Variants in RAP1GAP observed in about 807,000 individuals in gnomAD.
RAP1GAP encodes the protein RAP1 GTPase activating protein.
RAP1GAP carries 35 observed loss-of-function variants against 87.2 expected under a neutral mutation model. The observed-to-expected ratio is 0.40, with a 90% CI of 0.31 to 0.53. The LOEUF is 0.53. RAP1GAP is among the 20% of genes least tolerant of loss of function. The pLI is 0.48. For missense variants in RAP1GAP, 734 were observed against 898.9 expected (o/e 0.82, Z 2.35); for synonymous variants, 375 against 363.9 (o/e 1.03, Z -0.35).
intron 3 of RAP1GAP, among the ~76,000 whole-genome samples, chr1:21,620,602 G>A (rs1210545580): frequency 2.0e-5 from 3 of 152,154 alleles, no homozygotes; most frequent in East Asian, 3.9e-4. Context: ...TCTCCCGGGT[G>A]AGCCAGGGCA....
At chr1:21,632,839 A>G (rs1357496376) in intron 2 of RAP1GAP, among the ~76,000 whole-genome samples, 2 of 152,216 alleles carry the variant, frequency 1.3e-5, no homozygotes, top group African/African-American at 4.8e-5. Context: ...GTTCCAGGCT[A>G]CAGTGAGCCA....
In RAP1GAP at chr1:21,622,084, C is replaced by T. The variant is rs1179743944; in HGVS notation, c.-18-2034G>A. 6.6e-6 allele frequency among the ~76,000 whole-genome samples: 1 copy of T among 152,170 alleles called. No individual in the cohort carries two copies. Among genetic ancestry groups the T allele is most frequent in the Non-Finnish European group, 1.5e-5 (1 of 68,018 alleles). ...GGGTAAAGTGGTCCCGACGGTAGCA[C>T]GCACCCACACACACCCTGCCGCTGC... is the stretch of plus-strand genomic sequence containing the variant. On this transcript the variant is annotated intron_variant, in intron 3 of 24. Transcript: ENST00000374765. The surrounding 1 kb of genome is among the most constrained non-coding windows in gnomAD (Gnocchi z 5.7).
chr1:21,618,987 C>T (rs766072420), intron 5 of RAP1GAP, 38 bp downstream of exon 5: 3 of 1,567,246 alleles, frequency 1.9e-6, no homozygotes, highest in South Asian at 1.2e-5. Context: ...ACCCCCTCCA[C>T]CCCCTAGAGA....
Position 21,668,960 on chromosome 1 carries a change from C to G in RAP1GAP, c.-149+294G>C, listed in dbSNP as rs1272569313. On this transcript the variant is annotated intron_variant, in intron 1 of 24. Transcript: ENST00000374765. The surrounding 1 kb of genome is among the most constrained non-coding windows in gnomAD (Gnocchi z 6.2). ...CGGAAAACTGGACTCCCCACCCACC[C>G]AGGGGGGTGGGACCAAAGCCCCCTG... is the stretch of plus-strand genomic sequence containing the variant. Among the ~76,000 whole-genome samples the G allele has an allele frequency of 6.6e-6, 1 of 151,730 alleles. No homozygotes were observed. Among genetic ancestry groups the G allele is most frequent in the Non-Finnish European group, 1.5e-5 (1 of 67,788 alleles).
chr1:21,605,535 A>G (rs531604650), intron 18 of RAP1GAP, among the ~76,000 whole-genome samples: 2 of 152,194 alleles, frequency 1.3e-5, no homozygotes, highest in East Asian at 3.9e-4. Context: ...CCCACACAGC[A>G]GCCCAGGACC....
chr1:21,624,290 T>A (rs2090768684), intron 3 of RAP1GAP, among the ~76,000 whole-genome samples: 1 of 152,188 alleles, frequency 6.6e-6, no homozygotes, highest in South Asian at 2.1e-4. Flanking sequence ...GGGAATGTAA[T>A]GACGCTGATA....
chr1:21,598,364 G>T, intron 22 of RAP1GAP, 36 bp downstream of exon 22: 1 of 1,554,042 alleles, frequency 6.4e-7, no homozygotes, highest in Non-Finnish European at 8.9e-7. Flanking sequence ...CCCCAAGGTA[G>T]CCCTGCTTTG....
chr1:21,641,037 A>T lies in RAP1GAP; in HGVS notation c.-113+8724T>A, dbSNP rs191349801. Among the ~76,000 whole-genome samples, 441 of 149,618 alleles carry T rather than the reference A, an allele frequency of 2.9e-3. 2 individuals are homozygous for T. The highest frequency in any genetic ancestry group is 0.01 in the African/African-American group (414 of 40,508). ...ATTCTCCTGCCTCAGTCTCCTGAGT[A>T]GCTGGGATCACAGGCATGCACCACT... is the stretch of plus-strand genomic sequence containing the variant. On this transcript the variant is annotated intron_variant, in intron 2 of 24. Transcript: ENST00000374765.
At chr1:21,662,484 A>G in intron 1 of RAP1GAP, among the ~76,000 whole-genome samples, 1 of 152,134 alleles carries the variant, frequency 6.6e-6, no homozygotes, top group East Asian at 1.9e-4. Flanking sequence ...CTGTGTGTCC[A>G]CAGGAACCCC....
intron 1 of RAP1GAP, among the ~76,000 whole-genome samples, chr1:21,662,284 A>T (rs1464605547): frequency 6.6e-6 from 1 of 152,192 alleles, no homozygotes; most frequent in Non-Finnish European, 1.5e-5. Context: ...GCAGCAACCC[A>T]GATGTGAAAG....
chr1:21,605,937 T>C, intron 18 of RAP1GAP, 129 bp downstream of exon 18: 1 of 1,225,404 alleles, frequency 8.2e-7, no homozygotes, highest in Non-Finnish European at 1.1e-6. Flanking sequence ...CTAGACCAAA[T>C]CCAGAGCCTA....
intron 3 of RAP1GAP, among the ~76,000 whole-genome samples, chr1:21,620,839 A>C (rs2086711569): frequency 7.6e-6 from 1 of 132,238 alleles, no homozygotes; most frequent in African/African-American, 2.6e-5. Context: ...GTTGTACACC[A>C]GGAAGCACGC....
chr1:21,598,345 C>T, intron 22 of RAP1GAP, 55 bp downstream of exon 22: 1 of 1,487,482 alleles, frequency 6.7e-7, no homozygotes, highest in Middle Eastern at 1.7e-4. Context: ...CAGCCCTGTC[C>T]CCCTCCTACC....
chr1:21,661,906 C>T (rs2097167357), intron 1 of RAP1GAP, among the ~76,000 whole-genome samples: 1 of 152,242 alleles, frequency 6.6e-6, no homozygotes, highest in Non-Finnish European at 1.5e-5. Context: ...GCAGCATAGC[C>T]CCCATGTGCA....
chr1:21,656,831 G>A (rs1268722830), intron 1 of RAP1GAP, among the ~76,000 whole-genome samples: 2 of 152,252 alleles, frequency 1.3e-5, no homozygotes, highest in African/African-American at 4.8e-5. Flanking sequence ...CCCTGAGGAT[G>A]TGTTTCTCAT....
chr1:21,613,485 A>G lies in RAP1GAP; in HGVS notation c.474+143T>C. The G allele has an allele frequency of 1.2e-6, 1 of 844,710 alleles. No individual in the cohort carries two copies. The highest frequency in any genetic ancestry group is 2.0e-5 in the Admixed American group (1 of 51,168). 52.3% of individuals were successfully genotyped at this position (844,710 alleles called of 1,614,324 possible). A position where few individuals can be genotyped will look rare whatever the true frequency, so the allele number is the denominator to read the frequency against. On this transcript the variant is annotated intron_variant, in intron 9 of 24. Coordinates refer to ENST00000374765, the MANE Select transcript of RAP1GAP (RefSeq NM_002885.4). The surrounding 1 kb of genome is among the most constrained non-coding windows in gnomAD (Gnocchi z 4.7). Reference sequence around the variant, plus strand: ...CGTGGCAGCCCAAGACACGATGGGAACAAGTGAGAGACAGCCTCAGGATAG... The same window carrying G: ...CGTGGCAGCCCAAGACACGATGGGAGCAAGTGAGAGACAGCCTCAGGATAG...
chr1:21,644,058 C>T (rs1026340863), intron 2 of RAP1GAP, among the ~76,000 whole-genome samples: 2 of 152,140 alleles, frequency 1.3e-5, no homozygotes, highest in Admixed American at 1.3e-4. Context: ...GAGATGGGGA[C>T]CCATTTCTCA....
chr1:21,655,139 G>GA (rs750522857), intron 1 of RAP1GAP, among the ~76,000 whole-genome samples: 267 of 116,298 alleles, frequency 2.3e-3, no homozygotes, highest in Middle Eastern at 5.8e-3. Context: ...GACTCTGTCT[G>GA]AAAAAAAAAA....
chr1:21,618,206 T>C (rs940495081), intron 5 of RAP1GAP, among the ~76,000 whole-genome samples: 11 of 152,158 alleles, frequency 7.2e-5, no homozygotes, highest in Non-Finnish European at 1.3e-4. Context: ...AAGAAACCGC[T>C]GGACTGCCTG....
Sources: gnomAD v4.1 joint callset for allele counts (sites outside exome capture counted in the v4.1 genomes callset) on GRCh38, gnomAD v4.1.1 for gene constraint, Gnocchi (gnomAD v3.1) non-coding constraint, MANE v1.5 for transcripts, NCBI Gene and HGNC (gene_info 2026-07-23, HGNC 2026-07-21) for gene names.